Variants in CNOT4 observed in about 807,000 individuals in gnomAD.
CNOT4 encodes the protein CCR4-associated factor 4.
Under a neutral mutation model 73.8 loss-of-function variants are expected in CNOT4, and 8 were observed. That is an observed-to-expected ratio of 0.11 (90% confidence interval 0.06 to 0.20). The LOEUF (loss-of-function observed/expected upper bound fraction) is 0.20, where lower values mean the gene tolerates loss of function less well. Among genes scored for constraint, CNOT4 ranks in the 10% least tolerant of loss-of-function variants. CNOT4 has a pLI of 1.00. For missense variants in CNOT4, 564 were observed against 883.4 expected, an observed-to-expected ratio of 0.64 and a Z score of 4.58; for synonymous variants, 293 against 321.1, an observed-to-expected ratio of 0.91 and a Z score of 0.94.
At chr7:135,398,300 G>C in intron 7 of CNOT4, 74 bp from the exon 8 acceptor site, 3 of 655,392 alleles carry the variant, frequency 4.6e-6, no homozygotes, top group Non-Finnish European at 8.0e-6. Context: ...CTCCTCAAAA[G>C]AAAAAAAAAA....
chr7:135,473,722 G>C (rs1199126649), intron 1 of CNOT4, among the ~76,000 whole-genome samples: 2 of 152,164 alleles, frequency 1.3e-5, no homozygotes, highest in African/African-American at 4.8e-5. Flanking sequence ...ACTCCAGCCT[G>C]GGTAATTGAG....
rs1021196920 is a variant in CNOT4 at position 135,408,717 on chromosome 7, G to A, written c.821+1798C>T. Among the ~76,000 whole-genome samples the A allele has an allele frequency of 2.0e-4, 30 of 152,116 alleles. No homozygotes were observed. The South Asian group carries it at 2.1e-3, about 11-fold the overall frequency. On this transcript the variant is annotated intron_variant, in intron 7 of 11. Transcript: ENST00000541284. ...TAACGTGCACAGCTTTGGGATGTGG[G>A]AGGAAACCAGAGTGCCCAGAGGAAA...
At chr7:135,410,051 A>G (rs1797509027) in intron 7 of CNOT4, among the ~76,000 whole-genome samples, 1 of 152,144 alleles carries the variant, frequency 6.6e-6, no homozygotes, top group Non-Finnish European at 1.5e-5. Context: ...CTGTTCATTT[A>G]CAGGATTTAA....
At chr7:135,458,581 T>A (rs1800689400) in intron 1 of CNOT4, among the ~76,000 whole-genome samples, 1 of 152,138 alleles carries the variant, frequency 6.6e-6, no homozygotes, top group Non-Finnish European at 1.5e-5. Context: ...TCTCGAACCC[T>A]GTCACTGCTT....
chr7:135,388,869 G>A (rs758586474), intron 10 of CNOT4: 1 of 1,612,864 alleles, frequency 6.2e-7, no homozygotes, highest in South Asian at 1.1e-5. Flanking sequence ...ACAGTGGCAT[G>A]GTCGAAACCT....
At chr7:135,498,397 T>A (rs1803733440) in intron 1 of CNOT4, among the ~76,000 whole-genome samples, 1 of 152,168 alleles carries the variant, frequency 6.6e-6, no homozygotes, top group Middle Eastern at 3.2e-3. Flanking sequence ...TCCCCAAAGC[T>A]GAAAATACTT....
chr7:135,380,145 A>C (rs1441448748), intron 10 of CNOT4, among the ~76,000 whole-genome samples: 2 of 152,120 alleles, frequency 1.3e-5, no homozygotes, highest in Non-Finnish European at 2.9e-5. Context: ...AAACAAAAAA[A>C]CCCAGCAGAT....
chr7:135,387,465 A>G (rs1215695008), intron 10 of CNOT4: 1 of 982,422 alleles, frequency 1.0e-6, no homozygotes, highest in Non-Finnish European at 1.2e-6. Flanking sequence ...CCAACATGAC[A>G]TTAAGTACCA....
At chr7:135,446,632 C>T (rs984546080) in intron 1 of CNOT4, among the ~76,000 whole-genome samples, 2 of 151,816 alleles carry the variant, frequency 1.3e-5, no homozygotes, top group African/African-American at 4.8e-5. Context: ...AGAAATAATA[C>T]TCCTAAGTAT....
intron 1 of CNOT4, among the ~76,000 whole-genome samples, chr7:135,459,871 G>C (rs1225340590): frequency 6.6e-6 from 1 of 152,204 alleles, no homozygotes; most frequent in African/African-American, 2.4e-5. Flanking sequence ...TTGAAAATCT[G>C]TTTAGTGTAG....
chr7:135,470,129 G>GT (rs1042298266), intron 1 of CNOT4, among the ~76,000 whole-genome samples: 19 of 150,374 alleles, frequency 1.3e-4, no homozygotes, highest in African/African-American at 4.4e-4. Context: ...AGCCTGGTGT[G>GT]TTTTTTTGGG....
intron 1 of CNOT4, among the ~76,000 whole-genome samples, chr7:135,492,993 G>A (rs548353407): frequency 9.9e-5 from 15 of 152,278 alleles, no homozygotes; most frequent in Non-Finnish European, 1.6e-4. Flanking sequence ...GTGTAACCCA[G>A]GTGGCAGTAG....
chr7:135,373,172 A>T (rs751549902), intron 10 of CNOT4, among the ~76,000 whole-genome samples: 1 of 152,168 alleles, frequency 6.6e-6, no homozygotes, highest in Non-Finnish European at 1.5e-5. Context: ...ATCCATAATG[A>T]TCTGAGGAAA....
chr7:135,472,302 C>T (rs907025271), intron 1 of CNOT4, among the ~76,000 whole-genome samples: 1 of 147,778 alleles, frequency 6.8e-6, no homozygotes, highest in African/African-American at 2.5e-5. Context: ...ACAGTGACAC[C>T]CCGTCTCTAC....
intron 10 of CNOT4, among the ~76,000 whole-genome samples, chr7:135,391,128 T>A (rs757913197): frequency 3.3e-5 from 5 of 152,106 alleles, no homozygotes; most frequent in Non-Finnish European, 7.4e-5. Context: ...AAATTAGACA[T>A]AGTTAAGATG....
intron 10 of CNOT4, among the ~76,000 whole-genome samples, chr7:135,389,408 A>T (rs995240921): frequency 7.9e-5 from 12 of 152,120 alleles, no homozygotes; most frequent in Admixed American, 7.2e-4. Context: ...AGCATCTGAA[A>T]ATTCAAGTTT....
rs574926045 is a variant in CNOT4, at chr7:135,448,541, A to AAGGG, written c.-92-10122_-92-10119dup. ...CAACTCTGTCAAAAAAAGAAAAAAAAAGGGAGGGAGGGAGGGAGGGAAGGA... is the reference window on the plus strand; with the variant it reads ...CAACTCTGTCAAAAAAAGAAAAAAAAAGGGAGGGAGGGAGGGAGGGAGGGAAGGA... On this transcript the variant is annotated intron_variant, in intron 1 of 11. Coordinates refer to ENST00000541284, the MANE Select transcript of CNOT4 (RefSeq NM_001190850.2). Among the ~76,000 whole-genome samples, 70 of 140,542 alleles carry AAGGG rather than the reference A, an allele frequency of 5.0e-4. 1 individual carries two copies. The South Asian group carries it at 7.6e-3, about 15-fold the overall frequency. 92.2% of individuals were successfully genotyped at this position (140,542 alleles called of 152,430 possible).
chr7:135,466,182 T>G (rs943021629), intron 1 of CNOT4, among the ~76,000 whole-genome samples: 5 of 151,976 alleles, frequency 3.3e-5, no homozygotes, highest in African/African-American at 9.7e-5. Flanking sequence ...TTTTTTAAAT[T>G]AAGAAGTTTA....
chr7:135,481,056 A>G (rs1442491239), intron 1 of CNOT4, among the ~76,000 whole-genome samples: 4 of 152,056 alleles, frequency 2.6e-5, no homozygotes, highest in African/African-American at 9.7e-5. Flanking sequence ...TAAGACCTCA[A>G]AAGCTCAGAC....
Sources: allele counts gnomAD v4.1 joint callset (sites outside exome capture counted in the v4.1 genomes callset), GRCh38; gene constraint gnomAD v4.1.1; transcripts MANE v1.5; gene names NCBI Gene and HGNC (gene_info 2026-07-23, HGNC 2026-07-21).